The following USP40 variants were observed in gnomAD, a reference collection of about 807,000 sequenced individuals.
USP40 encodes ubiquitin carboxyl-terminal hydrolase 40.
In USP40, 143 loss-of-function variants were observed where a neutral mutation model predicts 166.2. The observed-to-expected ratio is 0.86, with a 90% CI of 0.75 to 0.99. The LOEUF (loss-of-function observed/expected upper bound fraction) is 0.99. Among genes scored for constraint, USP40 ranks in the 50% least tolerant of loss-of-function variants. The pLI is 0.00. For synonymous variants in USP40, 498 were observed against 524.0 expected, an observed-to-expected ratio of 0.95 and a Z score of 0.68; for missense variants, 1,444 against 1,479.7, an observed-to-expected ratio of 0.98 and a Z score of 0.40.
At chr2:233,552,077 C>G (rs2070619154) in intron 6 of USP40, among the ~76,000 whole-genome samples, 1 of 151,770 alleles carries the variant, frequency 6.6e-6, no homozygotes, top group Non-Finnish European at 1.5e-5. Flanking sequence ...TCAGCTGTGC[C>G]CAACCTCTTG....
Position 233,493,079 on chromosome 2 carries a change from T to C in USP40, c.2917+346A>G, listed in dbSNP as rs1255272379. 32 of 335,118 alleles carry C rather than the reference T, an allele frequency of 9.5e-5. No homozygotes were observed. In the East Asian group the frequency reaches 1.5e-3, roughly 16 times the overall value. 20.8% of individuals were successfully genotyped at this position (335,118 alleles called of 1,614,324 possible). On this transcript the variant is annotated intron_variant, in intron 25 of 31. Transcript: ENST00000678225. The surrounding 1 kb of genome is among the most constrained non-coding windows in gnomAD (Gnocchi z 4.7). ...CCCCTGTGGGCTAAAATGACATCATTAGAATTGGATGAAGTCTCAATATTC... is the reference window on the plus strand; with the variant it reads ...CCCCTGTGGGCTAAAATGACATCATCAGAATTGGATGAAGTCTCAATATTC...
intron 24 of USP40, among the ~76,000 whole-genome samples, chr2:233,494,974 A>T (rs1441066292): frequency 9.7e-6 from 1 of 102,938 alleles, no homozygotes; most frequent in Non-Finnish European, 1.9e-5. Flanking sequence ...ATATATATAT[A>T]TATATACACA....
intron 11 of USP40, among the ~76,000 whole-genome samples, chr2:233,530,205 G>GACACACACACACACACACAC (rs71058561): frequency 5.2e-4 from 78 of 149,372 alleles, no homozygotes; most frequent in African/African-American, 1.8e-3. Flanking sequence ...TCACTCCCAA[G>GACACACACACACACACACAC]ACACACACAC....
intron 17 of USP40, 22 bp from the exon 18 acceptor site, chr2:233,519,693 A>C: frequency 7.6e-7 from 1 of 1,316,180 alleles, no homozygotes; most frequent in Non-Finnish European, 1.0e-6. Context: ...AAATAAAATA[A>C]TGACTAAGTT....
At chr2:233,540,502 A>G (rs886914831) in intron 10 of USP40, among the ~76,000 whole-genome samples, 160 bp downstream of exon 10, 1 of 152,224 alleles carries the variant, frequency 6.6e-6, no homozygotes, top group Non-Finnish European at 1.5e-5. Flanking sequence ...CTCAGTAAGT[A>G]ATACTTAATA....
intron 11 of USP40, among the ~76,000 whole-genome samples, chr2:233,532,777 A>G (rs1200087458): frequency 2.0e-5 from 3 of 151,996 alleles, no homozygotes; most frequent in African/African-American, 4.8e-5. Context: ...CCCTGTCTCT[A>G]AAAAAATGAA....
intron 5 of USP40, 44 bp from the exon 6 acceptor site, chr2:233,554,570 T>C (rs2070879106): frequency 1.3e-6 from 2 of 1,494,396 alleles, no homozygotes; most frequent in African/African-American, 2.8e-5. Flanking sequence ...ATTTCAGAGG[T>C]TTACAAACAC....
chr2:233,524,103 C>T (rs1239752188), intron 15 of USP40, among the ~76,000 whole-genome samples: 1 of 152,028 alleles, frequency 6.6e-6, no homozygotes, highest in Non-Finnish European at 1.5e-5. Flanking sequence ...ATCTAATTGC[C>T]CTCACATAGG....
intron 4 of USP40, among the ~76,000 whole-genome samples, chr2:233,558,223 C>T (rs540788505): frequency 7.2e-5 from 11 of 151,976 alleles, no homozygotes; most frequent in African/African-American, 2.7e-4. Flanking sequence ...CCTTCTCCTA[C>T]CACTGCAGGT....
rs1308596204 is a variant in USP40 at position 233,480,436 on chromosome 2, C to G, written c.3599+767G>C. 1.3e-5 allele frequency among the ~76,000 whole-genome samples: 2 copies of G among 152,180 alleles called. No individual in the cohort carries two copies. The highest frequency in any genetic ancestry group is 2.9e-5 in the Non-Finnish European group (2 of 68,032). ...ATGGAGCTGATGCCACGGGCAGGTC[C>G]TGGGACTTGTGGTGGTGGTGAGCTG... On this transcript the variant is annotated intron_variant, in intron 31 of 31. Transcript: ENST00000678225. This position sits in a 1 kb window ranked among gnomAD's most constrained non-coding sequence, Gnocchi z 4.5.
intron 11 of USP40, among the ~76,000 whole-genome samples, chr2:233,531,006 A>G (rs988041672): frequency 6.6e-6 from 1 of 152,126 alleles, no homozygotes; most frequent in Non-Finnish European, 1.5e-5. Flanking sequence ...CCTTTTTTAC[A>G]TAAATATTAA....
At position 233,493,533 on chromosome 2, in the gene USP40, T is replaced by A; in HGVS notation, c.2809A>T (p.Ile937Phe). 1 of 1,613,088 alleles carries A rather than the reference T, an allele frequency of 6.2e-7. No individual in the cohort carries two copies. Among genetic ancestry groups the A allele is most frequent in the Non-Finnish European group, 8.5e-7 (1 of 1,179,514 alleles). The change falls in exon 25 of 32, where the codon ATC (isoleucine) becomes TTC (phenylalanine). Residue 937 changes from isoleucine to phenylalanine, a missense_variant. Coordinates refer to ENST00000678225, the MANE Select transcript of USP40 (RefSeq NM_001365479.2). This position sits in a 1 kb window ranked among gnomAD's most constrained non-coding sequence, Gnocchi z 4.7. ...LPPLGFLKVP[I>F]WWYQLQGPSG... ...GGACCCTGAAGCTGGTACCACCAGA[T>A]GGGCACCTTCAGGAAACCCTGAAGA...
chr2:233,517,007 T>A (rs1305798525), intron 18 of USP40, among the ~76,000 whole-genome samples: 1 of 152,246 alleles, frequency 6.6e-6, no homozygotes, highest in African/African-American at 2.4e-5. Flanking sequence ...CATTTATGTC[T>A]AAGTATCCCA....
In USP40 at chr2:233,489,490, A is replaced by G; in HGVS notation, c.3013-7T>C. 1 of 1,583,020 alleles carries G rather than the reference A, an allele frequency of 6.3e-7. No homozygotes were observed. The highest frequency in any genetic ancestry group is 1.8e-5 in the Admixed American group (1 of 54,990). ...AAGGAGGCAAGGTCATGGCCTAGAA[A>G]AAGAAACAGACATTTCTCCAACGGT... On this transcript the variant is annotated splice_polypyrimidine_tract_variant and splice_region_variant and intron_variant, in intron 26 of 31. Transcript: ENST00000678225.
At chr2:233,526,455 T>C (rs2068042402) in intron 13 of USP40, among the ~76,000 whole-genome samples, 2 of 152,174 alleles carry the variant, frequency 1.3e-5, no homozygotes, top group African/African-American at 4.8e-5. Flanking sequence ...TAGACAACTT[T>C]AGAAATCCTG....
chr2:233,543,174 T>C (rs2069584109), intron 8 of USP40, among the ~76,000 whole-genome samples: 1 of 152,224 alleles, frequency 6.6e-6, no homozygotes, highest in South Asian at 2.1e-4. Flanking sequence ...CATGCCATCT[T>C]GCAGAAGTAT....
intron 21 of USP40, among the ~76,000 whole-genome samples, chr2:233,500,140 G>A (rs1312314492): frequency 6.6e-6 from 1 of 152,182 alleles, no homozygotes; most frequent in African/African-American, 2.4e-5. Context: ...TCTGGTGTTT[G>A]CAAGCAGGAC....
At chr2:233,558,001 C>CAAAAAAAAA (rs71058563) in intron 4 of USP40, among the ~76,000 whole-genome samples, 2 of 51,360 alleles carry the variant, frequency 3.9e-5, no homozygotes, top group African/African-American at 8.3e-5. Flanking sequence ...GACCTCATCT[C>CAAAAAAAAA]AAAAAAAAAA....
intron 4 of USP40, among the ~76,000 whole-genome samples, chr2:233,558,851 A>G (rs1042601468): frequency 1.3e-5 from 2 of 152,134 alleles, no homozygotes; most frequent in Non-Finnish European, 2.9e-5. Context: ...TACACCAGAA[A>G]TTTAACATAC....
Sources: allele counts gnomAD v4.1 joint callset (sites outside exome capture counted in the v4.1 genomes callset), GRCh38; gene constraint gnomAD v4.1.1; non-coding constraint Gnocchi (gnomAD v3.1); transcripts MANE v1.5; gene names NCBI Gene and HGNC (gene_info 2026-07-23, HGNC 2026-07-21).